Variants in EMCN observed in about 807,000 individuals in gnomAD.
EMCN encodes the protein MUC-14.
In EMCN, 37 loss-of-function variants were observed where a neutral mutation model predicts 38.4. The observed-to-expected ratio is 0.96, with a 90% CI of 0.74 to 1.27. EMCN has a LOEUF of 1.27. EMCN is among the 50% of genes most tolerant of loss of function. The pLI, the probability that EMCN is intolerant of heterozygous loss-of-function variation, is 0.00. For synonymous variants in EMCN, 95 were observed against 100.8 expected (o/e 0.94, Z 0.35); for missense variants, 318 against 302.8 (o/e 1.05, Z -0.37).
intron 3 of EMCN, among the ~76,000 whole-genome samples, chr4:100,474,388 C>T (rs1334841092): frequency 6.6e-6 from 1 of 152,104 alleles, no homozygotes; most frequent in Non-Finnish European, 1.5e-5. Flanking sequence ...GATATTGGAA[C>T]TCTTGTATGT....
chr4:100,443,709 T>A (rs1290755786), intron 5 of EMCN, among the ~76,000 whole-genome samples: 2 of 152,182 alleles, frequency 1.3e-5, no homozygotes, highest in African/African-American at 4.8e-5. Context: ...AGGTTCACTT[T>A]CCAAGATACA....
intron 5 of EMCN, among the ~76,000 whole-genome samples, chr4:100,430,930 G>C (rs377271248): frequency 6.6e-6 from 1 of 152,064 alleles, no homozygotes; most frequent in South Asian, 2.1e-4. Context: ...AGCTTGAGTG[G>C]ATCCTAACTA....
chr4:100,447,709 T>G, intron 4 of EMCN, 138 bp from the exon 5 acceptor site: 1 of 606,436 alleles, frequency 1.6e-6, no homozygotes, highest in East Asian at 2.8e-5. Flanking sequence ...CATAAAATCA[T>G]GATTCTTCAT....
rs527763951 is a variant in EMCN, at chr4:100,395,538, T to C, written c.*2875A>G. 3.6e-4 allele frequency: 55 copies of C among 152,298 alleles called. 1 individual carries two copies. Among genetic ancestry groups the C allele is most frequent in the African/African-American group, 1.3e-3 (52 of 41,580 alleles). 9.4% of individuals were successfully genotyped at this position (152,298 alleles called of 1,614,324 possible). On this transcript the variant is annotated 3_prime_UTR_variant, in exon 12 of 12. Coordinates refer to ENST00000296420, the MANE Select transcript of EMCN (RefSeq NM_016242.4). ...GCAATAATTGACAGTTTTATAGTGG[T>C]GAGACTATCATCACCCAAAATACAA...
intron 5 of EMCN, among the ~76,000 whole-genome samples, chr4:100,437,911 G>T (rs1727401396): frequency 6.6e-6 from 1 of 151,712 alleles, no homozygotes; most frequent in Non-Finnish European, 1.5e-5. Flanking sequence ...CATATTTTTG[G>T]AATGTTTTTT....
At chr4:100,415,036 C>T (rs560736978) in intron 10 of EMCN, among the ~76,000 whole-genome samples, 172 of 152,266 alleles carry the variant, frequency 1.1e-3, no homozygotes, top group African/African-American at 3.6e-3. Context: ...GCTGGGATTA[C>T]AGGCATGCGC....
At chr4:100,468,641 C>T (rs890060817) in intron 3 of EMCN, among the ~76,000 whole-genome samples, 1 of 151,964 alleles carries the variant, frequency 6.6e-6, no homozygotes, top group South Asian at 2.1e-4. Flanking sequence ...TTTGGTTTTA[C>T]ATGAATAAAA....
intron 5 of EMCN, among the ~76,000 whole-genome samples, chr4:100,427,808 C>T (rs1041293576): frequency 3.3e-5 from 5 of 152,120 alleles, no homozygotes; most frequent in Non-Finnish European, 5.9e-5. Flanking sequence ...ACATTTTAAA[C>T]CCAACATGTC....
intron 5 of EMCN, among the ~76,000 whole-genome samples, chr4:100,424,390 A>AG (rs1255011141): frequency 6.6e-6 from 1 of 152,064 alleles, no homozygotes; most frequent in East Asian, 1.9e-4. Flanking sequence ...CTCTGGGTAC[A>AG]GGGGGTATGC....
At chr4:100,494,245 G>C (rs1446606948) in intron 1 of EMCN, among the ~76,000 whole-genome samples, 1 of 152,162 alleles carries the variant, frequency 6.6e-6, no homozygotes, top group Non-Finnish European at 1.5e-5. Context: ...GCCATCAAAA[G>C]AGTTACTTGT....
At chr4:100,454,179 TA>T (rs5860627) in intron 4 of EMCN, among the ~76,000 whole-genome samples, 13,503 of 122,198 alleles carry the variant, frequency 0.11, 749 homozygotes, top group South Asian at 0.16. Flanking sequence ...ATAATAATAA[TA>T]AAAAAATTAA....
In EMCN at chr4:100,517,922, G is replaced by A. The variant is rs370107203; in HGVS notation, c.-8C>T. 8.1e-6 allele frequency: 13 copies of A among 1,612,286 alleles called. No homozygotes were observed. The highest frequency in any genetic ancestry group is 2.2e-5 in the East Asian group (1 of 44,840). ...CACTTGAAGCAGTTCCATGGTGCCC[G>A]TAGATGGTGTCAATATCTTCTTTCT... On this transcript the variant is annotated 5_prime_UTR_variant, in exon 1 of 12. The change creates a new upstream start codon in the 5' untranslated region. Coordinates refer to ENST00000296420, the MANE Select transcript of EMCN (RefSeq NM_016242.4).
chr4:100,452,810 G>A (rs1235797907), intron 4 of EMCN, among the ~76,000 whole-genome samples: 2 of 151,982 alleles, frequency 1.3e-5, no homozygotes, highest in African/African-American at 4.8e-5. Flanking sequence ...AAACAGCATG[G>A]TACTGGTACC....
intron 1 of EMCN, among the ~76,000 whole-genome samples, chr4:100,512,693 C>A (rs960814769): frequency 6.6e-6 from 1 of 151,676 alleles, no homozygotes; most frequent in African/African-American, 2.4e-5. Flanking sequence ...GTAATCCCAG[C>A]TACTTGGGAG....
rs1726135410 is a variant in EMCN, at chr4:100,396,901, G to A, written c.*1512C>T. The A allele has an allele frequency of 6.6e-6, 1 of 151,210 alleles. No individual in the cohort carries two copies. Among genetic ancestry groups the A allele is most frequent in the African/African-American group, 2.4e-5 (1 of 41,152 alleles). 9.4% of individuals were successfully genotyped at this position (151,210 alleles called of 1,614,324 possible). On this transcript the variant is annotated 3_prime_UTR_variant, in exon 12 of 12. Coordinates refer to ENST00000296420, the MANE Select transcript of EMCN (RefSeq NM_016242.4). ...CTAAAGTGAAAACATACATAGTGGA[G>A]ATCCCTGCCTTCTTCTCTCCTCTCT...
chr4:100,440,377 T>G (rs1727476754), intron 5 of EMCN, among the ~76,000 whole-genome samples: 1 of 152,092 alleles, frequency 6.6e-6, no homozygotes, highest in Non-Finnish European at 1.5e-5. Context: ...CAGTTTGTAT[T>G]CCTAGCCTCA....
rs537057525 is a variant in EMCN, at chr4:100,439,654, C to A, written c.415+7879G>T. Among the ~76,000 whole-genome samples, 15 of 149,652 alleles carry A rather than the reference C, an allele frequency of 1.0e-4. No homozygotes were observed. In the South Asian group the frequency reaches 2.7e-3, roughly 27 times the overall value. Reference sequence around the variant, plus strand: ...TTTATGTTTTTATTTTTATTATTTTCTTCTTTCTGCTAATTTGGGGTTTAA... The same window carrying A: ...TTTATGTTTTTATTTTTATTATTTTATTCTTTCTGCTAATTTGGGGTTTAA... On this transcript the variant is annotated intron_variant, in intron 5 of 11. Transcript: ENST00000296420.
chr4:100,473,088 C>T (rs1728523887), intron 3 of EMCN, among the ~76,000 whole-genome samples: 1 of 147,276 alleles, frequency 6.8e-6, no homozygotes, highest in African/African-American at 2.5e-5. Context: ...AATCTCGGCT[C>T]ACTGCAACCT....
intron 10 of EMCN, among the ~76,000 whole-genome samples, 181 bp downstream of exon 10, chr4:100,415,717 T>C (rs556591690): frequency 6.6e-6 from 1 of 152,290 alleles, no homozygotes; most frequent in Admixed American, 6.5e-5. Flanking sequence ...AGTCCAATAA[T>C]CTTATCAAAT....
Sources: allele counts gnomAD v4.1 joint callset (sites outside exome capture counted in the v4.1 genomes callset), GRCh38; gene constraint gnomAD v4.1.1; transcripts MANE v1.5; gene names NCBI Gene and HGNC (gene_info 2026-07-23, HGNC 2026-07-21).